CADM2: variants seen among roughly 807,000 people sequenced by gnomAD.
CADM2 encodes the protein cell adhesion molecule 2.
In CADM2, 12 loss-of-function variants were observed where a neutral mutation model predicts 49.8. The observed-to-expected ratio is 0.24, with a 90% CI of 0.15 to 0.39. The LOEUF is 0.39. Ranked by LOEUF, CADM2 falls within the 10% of genes least tolerant of loss-of-function variation. The probability of loss-of-function intolerance (pLI) is 1.00; values close to 1 mark genes in which losing one functional copy is unlikely to be tolerated. For missense variants in CADM2, 378 were observed against 492.3 expected, an observed-to-expected ratio of 0.77 and a Z score of 2.20; for synonymous variants, 214 against 175.4, an observed-to-expected ratio of 1.22 and a Z score of -1.74.
intron 8 of CADM2, among the ~76,000 whole-genome samples, chr3:85,982,342 C>G (rs891027102): frequency 6.6e-6 from 1 of 151,410 alleles, no homozygotes; most frequent in South Asian, 2.1e-4. Flanking sequence ...GACACACATG[C>G]GTACACACAC....
At chr3:85,964,015 T>C (rs546952619) in intron 8 of CADM2, among the ~76,000 whole-genome samples, 4 of 151,974 alleles carry the variant, frequency 2.6e-5, no homozygotes, top group South Asian at 2.1e-4. Context: ...GGGGCGCCAA[T>C]TGGGTTCATG....
At chr3:85,825,334 A>C (rs2073845384) in intron 3 of CADM2, among the ~76,000 whole-genome samples, 2 of 152,200 alleles carry the variant, frequency 1.3e-5, no homozygotes, top group Middle Eastern at 6.8e-3. Flanking sequence ...CATGGACCAG[A>C]AAAGGTGAGG....
intron 1 of CADM2, among the ~76,000 whole-genome samples, chr3:85,693,848 A>T (rs2107688146): frequency 6.7e-6 from 1 of 149,872 alleles, no homozygotes; most frequent in South Asian, 2.1e-4. Context: ...GTGAGCCAAG[A>T]TCGCACCACT....
intron 1 of CADM2, among the ~76,000 whole-genome samples, chr3:85,535,650 C>T (rs570315654): frequency 4.6e-5 from 7 of 152,168 alleles, no homozygotes; most frequent in Admixed American, 2.0e-4. Context: ...ATGTTGTCTA[C>T]CCCTGTGATA....
At chr3:85,205,070 T>C (rs956668572) in intron 1 of CADM2, among the ~76,000 whole-genome samples, 2 of 150,594 alleles carry the variant, frequency 1.3e-5, no homozygotes, top group Non-Finnish European at 3.0e-5. Flanking sequence ...TAGGCTGGAG[T>C]GCAGTAGTGT....
At chr3:85,604,585 G>A (rs2063499777) in intron 1 of CADM2, among the ~76,000 whole-genome samples, 1 of 152,000 alleles carries the variant, frequency 6.6e-6, no homozygotes, top group Admixed American at 6.6e-5. Context: ...AAAAATCTCA[G>A]ATGAATGGCT....
At chr3:85,989,632 C>A (rs1329509631) in intron 8 of CADM2, among the ~76,000 whole-genome samples, 3 of 152,042 alleles carry the variant, frequency 2.0e-5, no homozygotes, top group Non-Finnish European at 4.4e-5. Context: ...AATATGACAC[C>A]CAACTTCTTT....
At chr3:85,899,958 G>A (rs574930349) in intron 5 of CADM2, among the ~76,000 whole-genome samples, 16 of 152,068 alleles carry the variant, frequency 1.1e-4, no homozygotes, top group South Asian at 4.2e-4. Flanking sequence ...TCTTCTTCTC[G>A]GTACTCTGCT....
intron 1 of CADM2, among the ~76,000 whole-genome samples, chr3:85,477,990 A>T (rs1163750433): frequency 3.3e-5 from 5 of 152,000 alleles, no homozygotes; most frequent in Non-Finnish European, 5.9e-5. Context: ...GTTTTTAAAA[A>T]TATTTTTACT....
At chr3:85,421,435 A>G (rs1434047638) in intron 1 of CADM2, among the ~76,000 whole-genome samples, 1 of 152,186 alleles carries the variant, frequency 6.6e-6, no homozygotes, top group African/African-American at 2.4e-5. Flanking sequence ...ACGTGTAGAA[A>G]TTAATTCATG....
chr3:85,031,354 GA>G (rs1267428407), intron 1 of CADM2, among the ~76,000 whole-genome samples: 1 of 152,166 alleles, frequency 6.6e-6, no homozygotes, highest in Non-Finnish European at 1.5e-5. Context: ...ATGAACAAGT[GA>G]AATATTTATC....
At chr3:84,972,972 T>C (rs796518143) in intron 1 of CADM2, among the ~76,000 whole-genome samples, 11 of 152,316 alleles carry the variant, frequency 7.2e-5, no homozygotes, top group African/African-American at 2.6e-4. Context: ...TAGAGTGCAG[T>C]GGCATGATCC....
intron 1 of CADM2, among the ~76,000 whole-genome samples, chr3:85,492,855 C>T (rs1381283513): frequency 6.6e-6 from 1 of 152,052 alleles, no homozygotes; most frequent in African/African-American, 2.4e-5. Context: ...GAGCACAAGA[C>T]AGAGGTGCTA....
At chr3:85,969,449 G>A (rs549331984) in intron 8 of CADM2, among the ~76,000 whole-genome samples, 1 of 151,408 alleles carries the variant, frequency 6.6e-6, no homozygotes, top group East Asian at 2.0e-4. Context: ...TTGCAAGATT[G>A]ATTTCTTATT....
At chr3:86,064,458 T>C (rs1039050297) in intron 8 of CADM2, among the ~76,000 whole-genome samples, 5 of 152,204 alleles carry the variant, frequency 3.3e-5, no homozygotes, top group African/African-American at 1.2e-4. Context: ...TCTATCATTG[T>C]TGGACATTTG....
At chr3:85,858,686 C>A (rs748590975) in intron 3 of CADM2, among the ~76,000 whole-genome samples, 1 of 152,188 alleles carries the variant, frequency 6.6e-6, no homozygotes, top group Non-Finnish European at 1.5e-5. Context: ...ACACTTTACT[C>A]ACTGCTATAT....
At chr3:85,522,804 G>C (rs2061056445) in intron 1 of CADM2, among the ~76,000 whole-genome samples, 1 of 152,032 alleles carries the variant, frequency 6.6e-6, no homozygotes, top group East Asian at 1.9e-4. Context: ...TTTACAGAGT[G>C]ATAGAAAGAC....
Position 85,925,859 on chromosome 3 carries a change from C to T in CADM2, c.701-9908C>T, listed in dbSNP as rs557255648. On this transcript the variant is annotated intron_variant, in intron 6 of 9. Coordinates refer to ENST00000383699, the MANE Select transcript of CADM2 (RefSeq NM_001167675.2). ...ATAGACAAATATAAAGAAAATAGGC[C>T]GGGCACAGTGGCTCACGCCTGTAAT... Among the ~76,000 whole-genome samples, 8 of 152,110 alleles carry T rather than the reference C, an allele frequency of 5.3e-5. No individual in the cohort carries two copies. The East Asian group carries it at 7.8e-4, about 15-fold the overall frequency.
At chr3:85,470,213 G>A (rs555301357) in intron 1 of CADM2, among the ~76,000 whole-genome samples, 1 of 152,174 alleles carries the variant, frequency 6.6e-6, no homozygotes, top group South Asian at 2.1e-4. Flanking sequence ...GATACAAACA[G>A]TGTTTATATT....
Sources: gnomAD v4.1 joint callset for allele counts (sites outside exome capture counted in the v4.1 genomes callset) on GRCh38, gnomAD v4.1.1 for gene constraint, MANE v1.5 for transcripts, NCBI Gene and HGNC (gene_info 2026-07-23, HGNC 2026-07-21) for gene names.